SIPA1L1: variants seen among roughly 807,000 people sequenced by gnomAD.
SIPA1L1 encodes signal-induced proliferation-associated 1-like protein 1.
In SIPA1L1, 26 loss-of-function variants were observed where a neutral mutation model predicts 162.7. The observed-to-expected ratio is 0.16, with a 90% CI of 0.12 to 0.22. The LOEUF is 0.22. SIPA1L1 is among the 10% of genes least tolerant of loss of function. The probability of loss-of-function intolerance (pLI) is 1.00; values close to 1 mark genes in which losing one functional copy is unlikely to be tolerated. For missense variants in SIPA1L1, 1,874 were observed against 2,241.0 expected, an observed-to-expected ratio of 0.84 and a Z score of 3.31; for synonymous variants, 829 against 837.4, an observed-to-expected ratio of 0.99 and a Z score of 0.17.
intron 5 of SIPA1L1, among the ~76,000 whole-genome samples, chr14:71,603,547 C>T (rs1302492444): frequency 6.6e-6 from 1 of 152,132 alleles, no homozygotes; most frequent in South Asian, 2.1e-4. Context: ...CAGCCTTGAA[C>T]TCCCAGGCTT....
intron 4 of SIPA1L1, among the ~76,000 whole-genome samples, chr14:71,544,191 A>G (rs752421727): frequency 6.6e-6 from 1 of 151,654 alleles, no homozygotes; most frequent in Non-Finnish European, 1.5e-5. Flanking sequence ...GTGTATATAT[A>G]CATATGCATG....
At chr14:71,354,716 TA>T (rs911401785) in intron 2 of SIPA1L1, among the ~76,000 whole-genome samples, 7 of 152,236 alleles carry the variant, frequency 4.6e-5, no homozygotes, top group Non-Finnish European at 8.8e-5. Context: ...TATGAAATTT[TA>T]AAATGTTTTT....
intron 4 of SIPA1L1, among the ~76,000 whole-genome samples, chr14:71,539,119 G>A (rs2054154197): frequency 6.6e-6 from 1 of 152,116 alleles, no homozygotes; most frequent in South Asian, 2.1e-4. Flanking sequence ...CCTTTATAAA[G>A]CCATGTGGTC....
intron 5 of SIPA1L1, among the ~76,000 whole-genome samples, chr14:71,598,670 G>A (rs1269378630): frequency 6.6e-6 from 1 of 152,180 alleles, no homozygotes; most frequent in African/African-American, 2.4e-5. Flanking sequence ...GGATTGGGGG[G>A]ATTGCACATA....
At chr14:71,495,312 T>G (rs982403891) in intron 2 of SIPA1L1, among the ~76,000 whole-genome samples, 1 of 152,052 alleles carries the variant, frequency 6.6e-6, no homozygotes, top group Non-Finnish European at 1.5e-5. Context: ...TTAGGTATAT[T>G]GAGATTTTCT....
intron 2 of SIPA1L1, among the ~76,000 whole-genome samples, chr14:71,437,733 C>T (rs1278031433): frequency 6.6e-6 from 1 of 152,150 alleles, no homozygotes; most frequent in Non-Finnish European, 1.5e-5. Flanking sequence ...TCACAACAAA[C>T]ATTTCTGTTT....
chr14:71,548,061 T>G (rs4902938), intron 4 of SIPA1L1, among the ~76,000 whole-genome samples: 1 of 152,160 alleles, frequency 6.6e-6, no homozygotes, highest in Non-Finnish European at 1.5e-5. Context: ...TGATTATTTT[T>G]AGATAATTAA....
intron 2 of SIPA1L1, among the ~76,000 whole-genome samples, chr14:71,509,755 AAAAG>A (rs1309615584): frequency 2.3e-4 from 35 of 152,050 alleles, no homozygotes; most frequent in Admixed American, 7.9e-4. Context: ...AAAAAAAAAA[AAAAG>A]AAAGAAAAAA....
chr14:71,683,242 A>G (rs2045970958), intron 12 of SIPA1L1, among the ~76,000 whole-genome samples: 1 of 152,188 alleles, frequency 6.6e-6, no homozygotes, highest in Non-Finnish European at 1.5e-5. Flanking sequence ...AAAGCAAAAC[A>G]TGGCCTAGGT....
chr14:71,334,242 T>G (rs1261186748), intron 2 of SIPA1L1, among the ~76,000 whole-genome samples: 2 of 140,488 alleles, frequency 1.4e-5, no homozygotes, highest in African/African-American at 2.6e-5. Flanking sequence ...ATTCTTGAGA[T>G]CAAATGAGAA....
intron 5 of SIPA1L1, among the ~76,000 whole-genome samples, chr14:71,610,040 A>AG (rs2038022553): frequency 6.6e-6 from 1 of 152,198 alleles, no homozygotes; most frequent in Non-Finnish European, 1.5e-5. Flanking sequence ...ACCTGGCAGC[A>AG]GCTCTGTTAA....
At chr14:71,438,140 T>TAAACAAAACA (rs113520416) in intron 2 of SIPA1L1, among the ~76,000 whole-genome samples, 2 of 152,124 alleles carry the variant, frequency 1.3e-5, no homozygotes, top group African/African-American at 2.4e-5. Flanking sequence ...ACTTTTTAGT[T>TAAACAAAACA]AAACAAAACA....
rs773250069 is a variant in SIPA1L1 at position 71,367,607 on chromosome 14, C to CTT, written c.-465+46442_-465+46443dup. On this transcript the variant is annotated intron_variant, in intron 2 of 23. Coordinates refer to ENST00000381232, the MANE Select transcript of SIPA1L1 (RefSeq NM_001386936.1). Reference sequence around the variant, plus strand: ...ACAGGTGTGAGCCACCGTGCCCGGCCTTTTTTTTTTTTTTTTTGGAGACAG... The same window carrying CTT: ...ACAGGTGTGAGCCACCGTGCCCGGCCTTTTTTTTTTTTTTTTTTTGGAGACAG... Among the ~76,000 whole-genome samples, 55 of 121,036 alleles carry CTT rather than the reference C, an allele frequency of 4.5e-4. 1 individual carries two copies. The highest frequency in any genetic ancestry group is 6.0e-3 in the Middle Eastern group (1 of 168). 79.4% of individuals were successfully genotyped at this position (121,036 alleles called of 152,430 possible). A position where few individuals can be genotyped will look rare whatever the true frequency, so the allele number is the denominator to read the frequency against.
Position 71,709,577 on chromosome 14 carries a change from A to G in SIPA1L1, c.4121A>G (p.Asp1374Gly). 6.2e-7 allele frequency: 1 copy of G among 1,614,190 alleles called. No individual in the cohort carries two copies. Among genetic ancestry groups the G allele is most frequent in the Non-Finnish European group, 8.5e-7 (1 of 1,180,018 alleles). The change falls in exon 17 of 24, where the codon GAC (aspartate) becomes GGC (glycine). Residue 1374 changes from aspartate (D) to glycine (G), a missense_variant. Around this residue, in one of 5 missense-constraint regions of SIPA1L1, gnomAD observed 936 missense variants for 1,051.9 expected, o/e 0.89. Transcript: ENST00000381232. ...AAAACAGAGTCTTCCCTGAGCTTAG[A>G]CATACACAGCAAGAGCCAAGCCGGC... ...DRKTESSLSL[D>G]IHSKSQAGST...
intron 4 of SIPA1L1, among the ~76,000 whole-genome samples, chr14:71,549,973 A>C (rs2055639288): frequency 6.6e-6 from 1 of 152,020 alleles, no homozygotes; most frequent in Non-Finnish European, 1.5e-5. Context: ...GACAAGGCGA[A>C]GGGAGCTGGG....
At chr14:71,613,045 A>G (rs1356704066) in intron 5 of SIPA1L1, among the ~76,000 whole-genome samples, 1 of 152,192 alleles carries the variant, frequency 6.6e-6, no homozygotes, top group Non-Finnish European at 1.5e-5. Context: ...GTATATGGAT[A>G]TAATGTTAAT....
At chr14:71,416,600 C>T (rs1195021013) in intron 2 of SIPA1L1, among the ~76,000 whole-genome samples, 1 of 152,060 alleles carries the variant, frequency 6.6e-6, no homozygotes, top group Admixed American at 6.5e-5. Context: ...CTCAACAGTT[C>T]TCCCAACCTG....
At chr14:71,395,946 G>A (rs1341721473) in intron 2 of SIPA1L1, among the ~76,000 whole-genome samples, 5 of 152,118 alleles carry the variant, frequency 3.3e-5, no homozygotes, top group African/African-American at 7.2e-5. Context: ...CAAAGTAAGG[G>A]TAAGTCTGAA....
intron 2 of SIPA1L1, among the ~76,000 whole-genome samples, chr14:71,405,441 A>T (rs548064965): frequency 6.6e-6 from 1 of 152,198 alleles, no homozygotes; most frequent in Non-Finnish European, 1.5e-5. Context: ...CTCCTACTCT[A>T]ATGTTGGGGG....
Sources: allele counts gnomAD v4.1 joint callset (sites outside exome capture counted in the v4.1 genomes callset), GRCh38; gene constraint gnomAD v4.1.1; regional missense constraint gnomAD v4.1.1; transcripts MANE v1.5; gene names NCBI Gene and HGNC (gene_info 2026-07-23, HGNC 2026-07-21).